NELL1: variants seen among roughly 807,000 people sequenced by gnomAD.
NELL1 encodes the protein protein kinase C-binding protein NELL1.
In NELL1, 76 loss-of-function variants were observed where a neutral mutation model predicts 107.4. The observed-to-expected ratio is 0.71, with a 90% CI of 0.59 to 0.86. NELL1 has a LOEUF of 0.86. Among genes scored for constraint, NELL1 ranks in the 40% least tolerant of loss-of-function variants. The probability of loss-of-function intolerance (pLI) is 0.00; values close to 1 mark genes in which losing one functional copy is unlikely to be tolerated. For synonymous variants in NELL1, 353 were observed against 341.2 expected (o/e 1.03, Z -0.38); for missense variants, 1,024 against 1,005.5 (o/e 1.02, Z -0.25).
chr11:21,323,552 C>T (rs921361449), intron 14 of NELL1, among the ~76,000 whole-genome samples: 1 of 151,986 alleles, frequency 6.6e-6, no homozygotes, highest in East Asian at 1.9e-4. Context: ...CCACTTTAAC[C>T]AGGGTTATTT....
intron 2 of NELL1, among the ~76,000 whole-genome samples, chr11:20,700,583 T>C (rs980584503): frequency 4.8e-4 from 73 of 152,164 alleles, no homozygotes; most frequent in African/African-American, 1.7e-3. Context: ...TGTGTATACA[T>C]GTGCCATGTT....
intron 16 of NELL1, among the ~76,000 whole-genome samples, chr11:21,553,064 T>C (rs1856628515): frequency 6.6e-6 from 1 of 151,916 alleles, no homozygotes; most frequent in African/African-American, 2.4e-5. Context: ...TTTTAGACCT[T>C]TGACTTCTGT....
intron 13 of NELL1, among the ~76,000 whole-genome samples, chr11:21,158,058 C>T (rs1324343374): frequency 6.6e-6 from 1 of 152,068 alleles, no homozygotes; most frequent in Non-Finnish European, 1.5e-5. Context: ...TAAAAGCAGG[C>T]AGAGGAACGT....
At chr11:21,466,932 G>C (rs1269284338) in intron 15 of NELL1, among the ~76,000 whole-genome samples, 6 of 151,878 alleles carry the variant, frequency 4.0e-5, no homozygotes, top group Non-Finnish European at 5.9e-5. Context: ...AGACATTCAT[G>C]TCAGTGAAAA....
Position 20,946,939 on chromosome 11 carries a change from T to C in NELL1, c.1072-397T>C, listed in dbSNP as rs150707726. ...CTCAATTATACATAACTTCTGAACA[T>C]TGCTTTCAGTGATACCATGTTAGTA... On this transcript the variant is annotated intron_variant, in intron 10 of 19. Transcript: ENST00000357134. 4.3e-3 allele frequency among the ~76,000 whole-genome samples: 651 copies of C among 152,290 alleles called. 2 individuals carry two copies. The highest frequency in any genetic ancestry group is 0.015 in the African/African-American group (607 of 41,564).
chr11:21,209,567 C>T (rs918415411), intron 13 of NELL1, among the ~76,000 whole-genome samples: 1 of 151,836 alleles, frequency 6.6e-6, no homozygotes, highest in African/African-American at 2.4e-5. Flanking sequence ...TATTTCAGAA[C>T]TTTCTCCTTA....
Position 21,152,735 on chromosome 11 carries a change from A to T in NELL1, c.1426+39021A>T, listed in dbSNP as rs570447387. 2.8e-3 allele frequency among the ~76,000 whole-genome samples: 427 copies of T among 152,288 alleles called. 2 individuals are homozygous for T. The highest frequency in any genetic ancestry group is 1.0e-2 in the African/African-American group (415 of 41,576). On this transcript the variant is annotated intron_variant, in intron 13 of 19. Coordinates refer to ENST00000357134, the MANE Select transcript of NELL1 (RefSeq NM_006157.5). ...TTTTTAATTAAACAAAAATATACAT[A>T]TAGAAAATTATGGATTTTTTTTCTT...
At chr11:21,492,446 C>T (rs35082104) in intron 15 of NELL1, among the ~76,000 whole-genome samples, 11,272 of 151,770 alleles carry the variant, frequency 0.074, 573 homozygotes, top group East Asian at 0.17. Context: ...CACATGCACA[C>T]GTATGTTTAT....
At chr11:21,046,810 G>T (rs1853366959) in intron 12 of NELL1, among the ~76,000 whole-genome samples, 1 of 151,658 alleles carries the variant, frequency 6.6e-6, no homozygotes, top group Non-Finnish European at 1.5e-5. Flanking sequence ...CAGGCTCAAG[G>T]CATTCTCCCA....
chr11:21,360,996 C>A (rs1476649428), intron 14 of NELL1, among the ~76,000 whole-genome samples: 2 of 152,150 alleles, frequency 1.3e-5, no homozygotes, highest in Non-Finnish European at 2.9e-5. Context: ...TTCTATTCAT[C>A]ATGCTAGTTG....
rs528371662 is a variant in NELL1 at position 21,326,808 on chromosome 11, G to GA, written c.1550-44037dup. Among the ~76,000 whole-genome samples, 400 of 150,918 alleles carry GA rather than the reference G, an allele frequency of 2.7e-3. 4 individuals are homozygous for GA. Among genetic ancestry groups the GA allele is most frequent in the African/African-American group, 9.2e-3 (380 of 41,126 alleles). On this transcript the variant is annotated intron_variant, in intron 14 of 19. Coordinates refer to ENST00000357134, the MANE Select transcript of NELL1 (RefSeq NM_006157.5). ...ATGTCATTCTTTGTCTTCTGGCTTT[G>GA]AAAAAAAATGCAGACTGAATATCTC...
chr11:20,984,640 C>A (rs1028170606), intron 12 of NELL1, among the ~76,000 whole-genome samples: 18 of 151,990 alleles, frequency 1.2e-4, no homozygotes, highest in Admixed American at 1.1e-3. Context: ...CCTCCTTTAA[C>A]CTGGCCGGGC....
At position 21,413,898 on chromosome 11, in the gene NELL1, T is replaced by C. The variant is rs186919617; in HGVS notation, c.1645+42950T>C. The stretch of plus-strand genomic sequence containing the variant: ...GAGGCAGGGGGCATCAGTGGAAGCA[T>C]GTAAACAACATTCTGGTTTATATTC... On this transcript the variant is annotated intron_variant, in intron 15 of 19. Transcript: ENST00000357134. 4.9e-4 allele frequency among the ~76,000 whole-genome samples: 74 copies of C among 152,174 alleles called. 1 individual carries two copies. Among genetic ancestry groups the C allele is most frequent in the Middle Eastern group, 3.4e-3 (1 of 294 alleles).
At chr11:21,485,539 G>A (rs542344500) in intron 15 of NELL1, among the ~76,000 whole-genome samples, 10 of 151,866 alleles carry the variant, frequency 6.6e-5, no homozygotes, top group African/African-American at 7.2e-5. Flanking sequence ...AGGCAATGTC[G>A]TACATTCCAA....
At chr11:20,804,848 T>C (rs1857348499) in intron 3 of NELL1, among the ~76,000 whole-genome samples, 1 of 152,188 alleles carries the variant, frequency 6.6e-6, no homozygotes, top group Non-Finnish European at 1.5e-5. Context: ...TTGATTTCTA[T>C]CTGAATGATC....
chr11:20,920,355 G>A (rs1266376868), intron 7 of NELL1, among the ~76,000 whole-genome samples: 2 of 152,110 alleles, frequency 1.3e-5, no homozygotes, highest in Non-Finnish European at 1.5e-5. Context: ...TGCAAGATAA[G>A]GCTATAGTTT....
intron 12 of NELL1, among the ~76,000 whole-genome samples, chr11:21,029,896 A>G (rs1852910806): frequency 6.6e-6 from 1 of 152,186 alleles, no homozygotes; most frequent in South Asian, 2.1e-4. Flanking sequence ...AACCACTTTT[A>G]TTTTGATGGC....
chr11:21,191,759 G>A (rs1857054552), intron 13 of NELL1, among the ~76,000 whole-genome samples: 1 of 151,942 alleles, frequency 6.6e-6, no homozygotes, highest in South Asian at 2.1e-4. Flanking sequence ...TGAACAAGAA[G>A]TTAGGAAACT....
intron 9 of NELL1, among the ~76,000 whole-genome samples, chr11:20,930,401 C>T (rs1388066930): frequency 6.6e-6 from 1 of 152,106 alleles, no homozygotes; most frequent in African/African-American, 2.4e-5. Context: ...TTAAAAACTT[C>T]TGCATAAATG....
Sources: gnomAD v4.1 joint callset for allele counts (sites outside exome capture counted in the v4.1 genomes callset) on GRCh38, gnomAD v4.1.1 for gene constraint, MANE v1.5 for transcripts, NCBI Gene and HGNC (gene_info 2026-07-23, HGNC 2026-07-21) for gene names.